The following PCDHGA2 variants were observed in gnomAD, a reference collection of about 807,000 sequenced individuals.
PCDHGA2 encodes the protein protocadherin gamma-A2.
PCDHGA2 carries 40 observed loss-of-function variants against 59.2 expected under a neutral mutation model. The observed-to-expected ratio is 0.68, with a 90% CI of 0.52 to 0.88. The LOEUF (loss-of-function observed/expected upper bound fraction) is 0.88, where lower values mean the gene tolerates loss of function less well. Ranked by LOEUF, PCDHGA2 falls within the 40% of genes least tolerant of loss-of-function variation. The probability of loss-of-function intolerance (pLI) is 0.00; values close to 1 mark genes in which losing one functional copy is unlikely to be tolerated. For missense variants in PCDHGA2, 1,226 were observed against 1,204.0 expected (o/e 1.02, Z -0.27); for synonymous variants, 560 against 526.0 (o/e 1.06, Z -0.89).
chr5:141,477,564 A>T lies in PCDHGA2; in HGVS notation c.2425-17243A>T. 2 of 1,613,924 alleles carry T rather than the reference A, an allele frequency of 1.2e-6. No individual in the cohort carries two copies. The highest frequency in any genetic ancestry group is 1.7e-6 in the Non-Finnish European group (2 of 1,179,980). On this transcript the variant is annotated intron_variant, in intron 1 of 3. Coordinates refer to ENST00000394576, the MANE Select transcript of PCDHGA2 (RefSeq NM_018915.4). The surrounding 1 kb of genome is among the most constrained non-coding windows in gnomAD (Gnocchi z 4.9). ...CCAATACTAAACCTAAGTGTCTGGG[A>T]CCCCGACGCCCCGCAGAATGCTCGG... is the stretch of plus-strand genomic sequence containing the variant.
At chr5:141,465,466 C>T (rs1280373152) in intron 1 of PCDHGA2, among the ~76,000 whole-genome samples, 1 of 152,156 alleles carries the variant, frequency 6.6e-6, no homozygotes, top group African/African-American at 2.4e-5. Flanking sequence ...ACCAAATTGC[C>T]CTTGCTTCAT....
intron 1 of PCDHGA2, chr5:141,478,312 C>T (rs768312280): frequency 8.1e-6 from 13 of 1,614,002 alleles, no homozygotes; most frequent in East Asian, 2.2e-5. Flanking sequence ...CCCCGGTGAG[C>T]TCACTGTACC....
At chr5:141,353,273 T>G (rs1391444264) in intron 1 of PCDHGA2, among the ~76,000 whole-genome samples, 2 of 152,234 alleles carry the variant, frequency 1.3e-5, no homozygotes, top group African/African-American at 4.8e-5. Context: ...TACTATATTT[T>G]CAAGTCATTT....
rs767547572 is a variant in PCDHGA2 at position 141,505,495 on chromosome 5, G to C, written c.2572+14G>C. On this transcript the variant is annotated intron_variant, in intron 3 of 3. Coordinates refer to ENST00000394576, the MANE Select transcript of PCDHGA2 (RefSeq NM_018915.4). The stretch of plus-strand genomic sequence containing the variant: ...CGTCCGCCAGTGGTAAGTGGTGTCA[G>C]TGTGTGTATGGAAGAGTGGGAGACC... 5 of 1,614,210 alleles carry C rather than the reference G, an allele frequency of 3.1e-6. No individual in the cohort carries two copies. Among genetic ancestry groups the C allele is most frequent in the Non-Finnish European group, 4.2e-6 (5 of 1,180,000 alleles).
At chr5:141,376,180 G>A (rs113596971) in intron 1 of PCDHGA2, 2 of 1,614,100 alleles carry the variant, frequency 1.2e-6, no homozygotes, top group Non-Finnish European at 8.5e-7. Context: ...CGGTGGCCGC[G>A]GTCTCCTGCG....
chr5:141,390,591 T>G, intron 1 of PCDHGA2: 1 of 333,500 alleles, frequency 3.0e-6, no homozygotes, highest in Non-Finnish European at 5.4e-6. Flanking sequence ...TGAATGAGAT[T>G]TTTCCTATAC....
intron 1 of PCDHGA2, chr5:141,413,798 AAG>A (rs914638812): frequency 2.7e-5 from 44 of 1,613,066 alleles, no homozygotes; most frequent in Non-Finnish European, 3.5e-5. Context: ...GATCGCGAGG[AAG>A]AGGCCATTCA....
Position 141,347,137 on chromosome 5 carries a change from C to CTTTCTT in PCDHGA2, c.2424+5743_2424+5744insTTCTTT, listed in dbSNP as rs1554073405. On this transcript the variant is annotated intron_variant, in intron 1 of 3. Transcript: ENST00000394576. ...CTCCTTCCTTCCTTCCTCTGTTTCT[C>CTTTCTT]TCTTTCTTTCTTTCTTTCTTTCTTT... Among the ~76,000 whole-genome samples, 4 of 113,834 alleles carry CTTTCTT rather than the reference C, an allele frequency of 3.5e-5. No individual in the cohort carries two copies. In the South Asian group the frequency reaches 1.3e-3, roughly 36 times the overall value. The allele number at this position is 113,834 out of a possible 152,430, so 74.7% of individuals were successfully genotyped here.
chr5:141,410,109 ACG>A, intron 1 of PCDHGA2: 1 of 1,612,496 alleles, frequency 6.2e-7, no homozygotes, highest in Non-Finnish European at 8.5e-7. Flanking sequence ...GGCGACAGGG[ACG>A]CAGCCCGCCA....
At chr5:141,360,167 T>C in intron 1 of PCDHGA2, 1 of 1,607,632 alleles carries the variant, frequency 6.2e-7, no homozygotes, top group East Asian at 2.2e-5. Flanking sequence ...TGCGGGCTGG[T>C]GCGGTGGCTG....
At chr5:141,371,849 C>A (rs1323132095) in intron 1 of PCDHGA2, 1 of 1,613,660 alleles carries the variant, frequency 6.2e-7, no homozygotes, top group East Asian at 2.2e-5. Flanking sequence ...GACCTAATGG[C>A]CTTGTCTCCT....
chr5:141,407,505 T>TTTTTTTTTTTTTTTTTGAGACGG (rs1460306566), intron 1 of PCDHGA2, among the ~76,000 whole-genome samples: 2 of 152,146 alleles, frequency 1.3e-5, no homozygotes, highest in African/African-American at 4.8e-5. Flanking sequence ...CTGTTTTTCT[T>TTTTTTTTTTTTTTTTTGAGACGG]AGGCTATGTA....
At chr5:141,421,565 A>G (rs1373619696) in intron 1 of PCDHGA2, 1 of 1,613,952 alleles carries the variant, frequency 6.2e-7, no homozygotes, top group Admixed American at 1.7e-5. Context: ...CTCGTGGAAG[A>G]CACCTTGAAG....
At chr5:141,427,327 C>T (rs2097016376) in intron 1 of PCDHGA2, 1 of 457,028 alleles carries the variant, frequency 2.2e-6, no homozygotes, top group African/African-American at 2.0e-5. Flanking sequence ...GTGGTTTTTA[C>T]TTCAGTGTCC....
Position 141,432,057 on chromosome 5 carries a change from C to G in PCDHGA2, c.2425-62750C>G. On this transcript the variant is annotated intron_variant, in intron 1 of 3. Coordinates refer to ENST00000394576, the MANE Select transcript of PCDHGA2 (RefSeq NM_018915.4). This position sits in a 1 kb window ranked among gnomAD's most constrained non-coding sequence, Gnocchi z 6.0. The stretch of plus-strand genomic sequence containing the variant: ...ACTGACCGGGGAACCCCGCCCCTAT[C>G]CACGGAAACTCATATCTCGCTGAAC... 1 of 1,614,220 alleles carries G rather than the reference C, an allele frequency of 6.2e-7. No homozygotes were observed. The highest frequency in any genetic ancestry group is 8.5e-7 in the Non-Finnish European group (1 of 1,180,042).
intron 1 of PCDHGA2, among the ~76,000 whole-genome samples, chr5:141,445,778 T>G (rs1045010487): frequency 6.6e-6 from 1 of 152,190 alleles, no homozygotes; most frequent in East Asian, 1.9e-4. Context: ...TTAAAAGGGC[T>G]AGGGAGGCTA....
Position 141,486,880 on chromosome 5 carries a change from G to T in PCDHGA2, c.2425-7927G>T. On this transcript the variant is annotated intron_variant, in intron 1 of 3. Transcript: ENST00000394576. The surrounding 1 kb of genome is among the most constrained non-coding windows in gnomAD (Gnocchi z 5.0). The stretch of plus-strand genomic sequence containing the variant: ...ATGCTCCAGCTGTGCTCCGTCCTCG[G>T]GCCCGGCCTGGTTCCTTATGTCCCC... The T allele has an allele frequency of 6.2e-7, 1 of 1,614,212 alleles. No homozygotes were observed. Among genetic ancestry groups the T allele is most frequent in the East Asian group, 2.2e-5 (1 of 44,882 alleles).
At chr5:141,453,552 A>G (rs1005017830) in intron 1 of PCDHGA2, among the ~76,000 whole-genome samples, 2 of 152,188 alleles carry the variant, frequency 1.3e-5, no homozygotes, top group Non-Finnish European at 2.9e-5. Flanking sequence ...CACACTCTGT[A>G]GATAATCGAT....
intron 1 of PCDHGA2, among the ~76,000 whole-genome samples, chr5:141,437,668 G>T (rs72790049): frequency 3.1e-4 from 47 of 151,868 alleles, no homozygotes; most frequent in Non-Finnish European, 6.0e-4. Context: ...TCGAAGAGAT[G>T]TTGATCAAAC....
Sources: gnomAD v4.1 joint callset for allele counts (sites outside exome capture counted in the v4.1 genomes callset) on GRCh38, gnomAD v4.1.1 for gene constraint, Gnocchi (gnomAD v3.1) non-coding constraint, MANE v1.5 for transcripts, NCBI Gene and HGNC (gene_info 2026-07-23, HGNC 2026-07-21) for gene names.